The following BRI3 variants were observed in gnomAD, a reference collection of about 807,000 sequenced individuals.
The protein encoded by BRI3 is brain protein I3.
BRI3 carries 6 observed loss-of-function variants against 12.8 expected under a neutral mutation model. The ratio of observed to expected loss-of-function variants is 0.47; its 90% CI spans 0.26 to 0.93. The LOEUF (loss-of-function observed/expected upper bound fraction) is 0.93, where lower values mean the gene tolerates loss of function less well. Among genes scored for constraint, BRI3 ranks in the 40% least tolerant of loss-of-function variants. The pLI is 0.15. For missense variants in BRI3, 134 were observed against 171.1 expected (o/e 0.78, Z 1.21); for synonymous variants, 91 against 76.1 (o/e 1.20, Z -1.02).
chr7:98,282,262 G>A, intron 1 of BRI3, 89 bp from the exon 2 acceptor site: 2 of 1,152,478 alleles, frequency 1.7e-6, no homozygotes, highest in Non-Finnish European at 2.5e-6. Context: ...TTTTTAGCGG[G>A]GTGGAGGTTG....
chr7:98,310,521 A>G, downstream of BRI3: 2 of 1,605,296 alleles, frequency 1.2e-6, no homozygotes, highest in Non-Finnish European at 1.7e-6. Flanking sequence ...AGGGACTGGT[A>G]TATGCTCTGC....
downstream of BRI3, chr7:98,293,329 C>T: frequency 1.8e-6 from 1 of 546,892 alleles, no homozygotes; most frequent in East Asian, 2.8e-5. Context: ...GACTATTACT[C>T]ATTTATCTTA....
chr7:98,301,250 C>T (rs1177270253), intron 1 of BRI3, among the ~76,000 whole-genome samples: 1 of 152,210 alleles, frequency 6.6e-6, no homozygotes, highest in African/African-American at 2.4e-5. Context: ...GCGTCACCTC[C>T]ACCCCTGTGC....
At chr7:98,312,295 AAAG>A (rs763570035), downstream of BRI3, 34 of 1,576,126 alleles carry the variant, frequency 2.2e-5, no homozygotes, top group East Asian at 4.1e-4. Context: ...GACTAAAGAC[AAAG>A]AAGATTGTCT....
downstream of BRI3, among the ~76,000 whole-genome samples, chr7:98,296,944 C>T (rs995296038): frequency 2.0e-5 from 3 of 152,238 alleles, no homozygotes; most frequent in Admixed American, 1.3e-4. Flanking sequence ...GAACATAGAC[C>T]TGCCCTCCTC....
chr7:98,306,532 G>C (rs1407147139), exon 1 of BRI3: 1 of 1,614,128 alleles, frequency 6.2e-7, no homozygotes, highest in Admixed American at 1.7e-5. Context: ...GGCAAAGAGG[G>C]AGAAAAGACC....
rs757740915 is a variant in BRI3, at chr7:98,307,844, C to G, written n.474C>G. On this transcript the variant is annotated non_coding_transcript_exon_variant, in exon 2 of 2. Transcript: ENST00000485422. ...TCACTTTCTGCTTCTTCATCATGTT[C>G]AGTCCCGTTGCAACCGAAACTGATC... The G allele has an allele frequency of 3.1e-6, 5 of 1,614,250 alleles. No individual in the cohort carries two copies. In the East Asian group the frequency reaches 1.1e-4, roughly 36 times the overall value.
rs1055895867 is a variant in BRI3 at position 98,281,738 on chromosome 7, C to T, written c.-58C>T. On this transcript the variant is annotated 5_prime_UTR_variant, in exon 1 of 3. Coordinates refer to ENST00000297290, the MANE Select transcript of BRI3 (RefSeq NM_015379.5). ...GCGTCCCCGCCGCCGCCGCCGCGTC[C>T]CCCGCCGGGGCCGACCGAGCCGAGC... 25 of 911,012 alleles carry T rather than the reference C, an allele frequency of 2.7e-5. No individual in the cohort carries two copies. Among genetic ancestry groups the T allele is most frequent in the Non-Finnish European group, 3.3e-5 (25 of 762,302 alleles). 56.4% of individuals were successfully genotyped at this position (911,012 alleles called of 1,614,324 possible). A position where few individuals can be genotyped will look rare whatever the true frequency, so the allele number is the denominator to read the frequency against.
chr7:98,299,972 T>C (rs1256114549), intron 1 of BRI3, among the ~76,000 whole-genome samples: 1 of 152,052 alleles, frequency 6.6e-6, no homozygotes, highest in Non-Finnish European at 1.5e-5. Flanking sequence ...GCCCGGGAAG[T>C]GGAGGTTGCT....
exon 2 of BRI3, chr7:98,307,984 G>A (rs769688072): frequency 2.4e-6 from 3 of 1,268,542 alleles, no homozygotes; most frequent in East Asian, 2.3e-5. Context: ...GAATCCACCT[G>A]TTCTCATCTT....
chr7:98,290,114 G>T (rs1226956867), intron 2 of BRI3, among the ~76,000 whole-genome samples: 1 of 150,870 alleles, frequency 6.6e-6, no homozygotes, highest in Non-Finnish European at 1.5e-5. Flanking sequence ...TAAGCTGCTA[G>T]TTGCTCCTTT....
chr7:98,289,083 G>A (rs761243817), intron 2 of BRI3, among the ~76,000 whole-genome samples: 1 of 151,988 alleles, frequency 6.6e-6, no homozygotes, highest in Non-Finnish European at 1.5e-5. Context: ...TCAGCTTCCC[G>A]AGTAGCTGGG....
downstream of BRI3, chr7:98,293,499 G>C (rs779072823): frequency 3.1e-6 from 5 of 1,606,416 alleles, no homozygotes; most frequent in Admixed American, 8.3e-5. Flanking sequence ...GGAGAGGCCC[G>C]GGAGAGTCCT....
chr7:98,287,965 G>T (rs1799767310), intron 2 of BRI3, among the ~76,000 whole-genome samples: 1 of 152,174 alleles, frequency 6.6e-6, no homozygotes, highest in Non-Finnish European at 1.5e-5. Flanking sequence ...CCTCTCAGCA[G>T]CTTTGGTCCT....
the BRI3 span, chr7:98,320,175 G>C: frequency 6.3e-7 from 1 of 1,591,122 alleles, no homozygotes; most frequent in Non-Finnish European, 8.6e-7. Flanking sequence ...GAGATTTTAA[G>C]CAAAATAAGT....
At chr7:98,297,652 C>G (rs1198548426), downstream of BRI3, among the ~76,000 whole-genome samples, 1 of 152,216 alleles carries the variant, frequency 6.6e-6, no homozygotes, top group Non-Finnish European at 1.5e-5. Flanking sequence ...AGTTCAACCC[C>G]TTTATTCTCA....
At chr7:98,317,665 A>G in the BRI3 span, among the ~76,000 whole-genome samples, 4 of 139,618 alleles carry the variant, frequency 2.9e-5, no homozygotes, top group Non-Finnish European at 4.6e-5. Flanking sequence ...ACTGGCTGGG[A>G]CCCTCACTCA....
At chr7:98,298,883 C>T (rs1440767468) in intron 1 of BRI3, among the ~76,000 whole-genome samples, 1 of 152,056 alleles carries the variant, frequency 6.6e-6, no homozygotes, top group Non-Finnish European at 1.5e-5. Flanking sequence ...GCTCTGTCAC[C>T]CAGGCTGCAG....
At position 98,291,250 on chromosome 7, in the gene BRI3, C is replaced by T. The variant is rs1256099810; in HGVS notation, c.*7C>T. ...TGGAGCCACCTTCGCTTAAAGGGAA[C>T]ACCAGGCCCGGCTTTCCTACACCCA... is the stretch of plus-strand genomic sequence containing the variant. On this transcript the variant is annotated 3_prime_UTR_variant, in exon 3 of 3. Coordinates refer to ENST00000297290, the MANE Select transcript of BRI3 (RefSeq NM_015379.5). 14 of 1,612,708 alleles carry T rather than the reference C, an allele frequency of 8.7e-6. No homozygotes were observed. Among genetic ancestry groups the T allele is most frequent in the Non-Finnish European group, 1.1e-5 (13 of 1,179,990 alleles).
Sources: gnomAD v4.1 joint callset for allele counts (sites outside exome capture counted in the v4.1 genomes callset) on GRCh38, gnomAD v4.1.1 for gene constraint, MANE v1.5 for transcripts, NCBI Gene and HGNC (gene_info 2026-07-23, HGNC 2026-07-21) for gene names.